TENM3: variants seen among roughly 807,000 people sequenced by gnomAD.
TENM3 encodes the protein teneurin-3.
Under a neutral mutation model 255.1 loss-of-function variants are expected in TENM3, and 63 were observed. The ratio of observed to expected loss-of-function variants is 0.25; its 90% CI spans 0.20 to 0.30. TENM3 has a LOEUF of 0.30. Ranked by LOEUF, TENM3 falls within the 10% of genes least tolerant of loss-of-function variation. The pLI is 1.00. For synonymous variants in TENM3, 1,306 were observed against 1,322.3 expected (o/e 0.99, Z 0.27); for missense variants, 2,929 against 3,461.1 (o/e 0.85, Z 3.86).
At chr4:182,774,891 T>G in intron 23 of TENM3, 27 bp from the exon 24 acceptor site, 1 of 1,518,574 alleles carries the variant, frequency 6.6e-7, no homozygotes, top group Non-Finnish European at 9.1e-7. Flanking sequence ...ATCTAATAGT[T>G]CATGTTTTGT....
intron 1 of TENM3, among the ~76,000 whole-genome samples, chr4:182,150,487 A>T (rs111604825): frequency 8.5e-5 from 13 of 152,174 alleles, no homozygotes; most frequent in African/African-American, 2.9e-4. Flanking sequence ...TTTAAATTTA[A>T]TCCAAGACAT....
the TENM3 span, among the ~76,000 whole-genome samples, chr4:181,812,919 T>C: frequency 6.6e-6 from 1 of 151,984 alleles, no homozygotes; most frequent in Non-Finnish European, 1.5e-5. Flanking sequence ...TATACCTGAG[T>C]TGGGGGGAAT....
At chr4:181,919,961 C>T in the TENM3 span, among the ~76,000 whole-genome samples, 1 of 145,718 alleles carries the variant, frequency 6.9e-6, no homozygotes, top group Non-Finnish European at 1.5e-5. Flanking sequence ...TCAGTTCCCA[C>T]CTATGAGTGA....
At chr4:182,627,772 T>C (rs575210299) in intron 4 of TENM3, among the ~76,000 whole-genome samples, 6 of 152,294 alleles carry the variant, frequency 3.9e-5, no homozygotes, top group Admixed American at 6.5e-5. Context: ...TTAAAATTAG[T>C]TACCTTTCCT....
At chr4:181,903,755 C>A in the TENM3 span, among the ~76,000 whole-genome samples, 2 of 152,098 alleles carry the variant, frequency 1.3e-5, no homozygotes, top group African/African-American at 2.4e-5. Flanking sequence ...CAACCTGGGG[C>A]CCTGAGGAGG....
At chr4:182,745,643 G>T (rs1486052214) in intron 19 of TENM3, among the ~76,000 whole-genome samples, 1 of 152,100 alleles carries the variant, frequency 6.6e-6, no homozygotes, top group Non-Finnish European at 1.5e-5. Flanking sequence ...CTAAGAAATG[G>T]GTAGCAGACA....
intron 1 of TENM3, among the ~76,000 whole-genome samples, chr4:182,183,307 T>C (rs930741482): frequency 5.3e-5 from 8 of 152,196 alleles, no homozygotes; most frequent in Non-Finnish European, 1.0e-4. Flanking sequence ...CACTGAAGGC[T>C]ACTTTAATCA....
intron 5 of TENM3, among the ~76,000 whole-genome samples, chr4:182,643,771 A>C (rs1335176147): frequency 2.0e-5 from 3 of 152,202 alleles, no homozygotes; most frequent in African/African-American, 7.2e-5. Flanking sequence ...TTTCTCAGAA[A>C]GATTCCTTTT....
Position 182,388,847 on chromosome 4 carries a change from T to C in TENM3, c.511+41918T>C, listed in dbSNP as rs541151422. Among the ~76,000 whole-genome samples, 4 of 152,306 alleles carry C rather than the reference T, an allele frequency of 2.6e-5. No individual in the cohort carries two copies. The South Asian group carries it at 8.3e-4, about 32-fold the overall frequency. ...TCATTTTGAAAATGTTCGCAATCTA[T>C]GACCAAAAGTTGTTGGCTCTGCAAC... is the stretch of plus-strand genomic sequence containing the variant. On this transcript the variant is annotated intron_variant, in intron 3 of 27. Transcript: ENST00000511685.
intron 3 of TENM3, among the ~76,000 whole-genome samples, chr4:182,519,417 A>G (rs1476995349): frequency 6.6e-6 from 1 of 152,216 alleles, no homozygotes; most frequent in African/African-American, 2.4e-5. Context: ...AGAAATAAGC[A>G]TTGTTAATAT....
At chr4:181,589,890 T>C in the TENM3 span, among the ~76,000 whole-genome samples, 1 of 152,168 alleles carries the variant, frequency 6.6e-6, no homozygotes, top group Admixed American at 6.5e-5. Context: ...CGAGAGGACA[T>C]CTCTCACATG....
At chr4:181,847,594 T>C in the TENM3 span, among the ~76,000 whole-genome samples, 7 of 152,056 alleles carry the variant, frequency 4.6e-5, no homozygotes, top group East Asian at 3.8e-4. Flanking sequence ...CATATTGTAA[T>C]GTATGATTGA....
chr4:182,149,179 T>C (rs2149571657), intron 1 of TENM3, among the ~76,000 whole-genome samples: 1 of 152,114 alleles, frequency 6.6e-6, no homozygotes, highest in African/African-American at 2.4e-5. Context: ...TTGGTGTTTT[T>C]CCAGCTTAAG....
chr4:182,779,065 T>C (rs1190957515), intron 24 of TENM3, among the ~76,000 whole-genome samples: 1 of 151,428 alleles, frequency 6.6e-6, no homozygotes, highest in East Asian at 1.9e-4. Context: ...TTCTTTTTTT[T>C]TTTTATTATA....
chr4:182,286,589 C>G (rs978045808), intron 1 of TENM3, among the ~76,000 whole-genome samples: 3 of 152,188 alleles, frequency 2.0e-5, no homozygotes, highest in Non-Finnish European at 4.4e-5. Flanking sequence ...CTGTTGGGAG[C>G]AGGCCTAGCT....
the TENM3 span, among the ~76,000 whole-genome samples, chr4:181,829,110 C>G: frequency 2.0e-5 from 3 of 152,154 alleles, no homozygotes; most frequent in Non-Finnish European, 4.4e-5. Context: ...TAAACAGGGT[C>G]TTTGAATTCA....
At chr4:182,494,379 A>G (rs987881564) in intron 3 of TENM3, among the ~76,000 whole-genome samples, 3 of 152,178 alleles carry the variant, frequency 2.0e-5, no homozygotes, top group African/African-American at 7.2e-5. Context: ...AACCACATTC[A>G]CATAACTTTT....
rs761878894 is a variant in TENM3 at position 182,754,919 on chromosome 4, G to T, written c.4552G>T (p.Asp1518Tyr). The change falls in exon 22 of 28, where the codon GAT (aspartate) becomes TAT (tyrosine). Residue 1518 changes from aspartate (D) to tyrosine (Y), a missense_variant. This residue lies in a region of TENM3 where 1,608 missense variants were observed against 1,884.4 expected (regional missense o/e 0.85). Transcript: ENST00000511685. This position sits in a 1 kb window ranked among gnomAD's most constrained non-coding sequence, Gnocchi z 5.1. ...CTTCTATGAAGTTGCGTCTCCAACTGATCAAGAACTCTACATCTTTGACAT... is the reference window on the plus strand; with the variant it reads ...CTTCTATGAAGTTGCGTCTCCAACTTATCAAGAACTCTACATCTTTGACAT... ...MNFYEVASPTDQELYIFDING... is the reference protein window; with the variant it reads ...MNFYEVASPTYQELYIFDING... 1 of 1,614,008 alleles carries T rather than the reference G, an allele frequency of 6.2e-7. No homozygotes were observed. Among genetic ancestry groups the T allele is most frequent in the African/African-American group, 1.3e-5 (1 of 75,054 alleles).
At chr4:181,449,139 A>G in the TENM3 span, among the ~76,000 whole-genome samples, 1 of 152,176 alleles carries the variant, frequency 6.6e-6, no homozygotes, top group Non-Finnish European at 1.5e-5. Flanking sequence ...TTTACACTTT[A>G]TTTTTTGACT....
Sources: allele counts gnomAD v4.1 joint callset (sites outside exome capture counted in the v4.1 genomes callset), GRCh38; gene constraint gnomAD v4.1.1; regional missense constraint gnomAD v4.1.1; non-coding constraint Gnocchi (gnomAD v3.1); transcripts MANE v1.5; gene names NCBI Gene and HGNC (gene_info 2026-07-23, HGNC 2026-07-21).